Variants in ARHGEF10 observed in about 807,000 individuals in gnomAD.
The protein encoded by ARHGEF10 is Rho guanine nucleotide exchange factor (GEF) 10.
ARHGEF10 carries 140 observed loss-of-function variants against 147.4 expected under a neutral mutation model. The ratio of observed to expected loss-of-function variants is 0.95; its 90% CI spans 0.83 to 1.09. ARHGEF10 has a LOEUF of 1.09. Among genes scored for constraint, ARHGEF10 ranks in the 50% least tolerant of loss-of-function variants. The pLI is 0.00. For missense variants in ARHGEF10, 2,222 were observed against 1,752.7 expected (o/e 1.27, Z -4.78); for synonymous variants, 902 against 695.8 (o/e 1.30, Z -4.67).
At chr8:1,956,669 TTAAGCC>T (rs1815591158) in intron 28 of ARHGEF10, 74 bp from the exon 29 acceptor site, 1 of 1,538,062 alleles carries the variant, frequency 6.5e-7, no homozygotes, top group Non-Finnish European at 9.0e-7. Context: ...TGCGTTGGGG[TTAAGCC>T]CTGCACTTTT....
At chr8:1,864,075 T>C (rs905316305) in intron 4 of ARHGEF10, among the ~76,000 whole-genome samples, 1 of 151,430 alleles carries the variant, frequency 6.6e-6, no homozygotes, top group Admixed American at 6.6e-5. Flanking sequence ...CCCATGCACA[T>C]GTGGAGTGGG....
At chr8:1,945,897 C>CGCGTGCTGGGAGGAGCT (rs1248354807) in intron 27 of ARHGEF10, 4 of 704,096 alleles carry the variant, frequency 5.7e-6, no homozygotes, top group South Asian at 1.8e-5. Flanking sequence ...TGGGAGGAGC[C>CGCGTGCTGGGAGGAGCT]GCGTGCTGGG....
chr8:1,880,944 C>G (rs1371134464), intron 9 of ARHGEF10, among the ~76,000 whole-genome samples: 2 of 152,192 alleles, frequency 1.3e-5, no homozygotes, highest in Non-Finnish European at 1.5e-5. Flanking sequence ...GCCGCGTTAC[C>G]CCCTCACATG....
In ARHGEF10 at chr8:1,858,070, C is replaced by T; in HGVS notation, c.148C>T (p.Pro50Ser). The change falls in exon 3 of 29, where the codon CCT (proline) becomes TCT (serine). Residue 50 changes from proline (P) to serine (S), a missense_variant. By Grantham distance (74) the Pro-to-Ser change is moderately conservative. Coordinates refer to ENST00000349830, the MANE Select transcript of ARHGEF10 (RefSeq NM_014629.4). ...PEADRQAPSA[P>S]ETGGAGASEA... The stretch of plus-strand genomic sequence containing the variant: ...AGCGGACAGACAGGCCCCATCCGCC[C>T]CTGAGACAGGAGGTGCTGGAGCCAG... The T allele has an allele frequency of 6.2e-7, 1 of 1,613,644 alleles. No individual in the cohort carries two copies. Among genetic ancestry groups the T allele is most frequent in the South Asian group, 1.1e-5 (1 of 91,022 alleles).
intron 17 of ARHGEF10, among the ~76,000 whole-genome samples, chr8:1,907,775 A>G (rs1028762787): frequency 3.3e-5 from 5 of 152,126 alleles, no homozygotes; most frequent in Non-Finnish European, 5.9e-5. Context: ...GTGAGTCGCA[A>G]TTCCTTTCCC....
chr8:1,858,658 G>A (rs60054728), intron 3 of ARHGEF10: 45,239 of 155,854 alleles, frequency 0.29, 6,784 homozygotes, highest in South Asian at 0.43. Context: ...TTCATTCGCT[G>A]ACCAGAGGGA....
At chr8:1,834,779 G>A (rs1803480179) in intron 1 of ARHGEF10, among the ~76,000 whole-genome samples, 1 of 152,232 alleles carries the variant, frequency 6.6e-6, no homozygotes, top group Non-Finnish European at 1.5e-5. Context: ...TATGTCTTGA[G>A]TTGGAACCTT....
intron 1 of ARHGEF10, among the ~76,000 whole-genome samples, chr8:1,838,950 G>C (rs1256482002): frequency 6.6e-6 from 1 of 151,524 alleles, no homozygotes; most frequent in African/African-American, 2.4e-5. Context: ...GGGGCCATCT[G>C]GCATGGAAGC....
chr8:1,882,644 C>G lies in ARHGEF10; in HGVS notation c.970C>G (p.Leu324Val). 6.4e-7 allele frequency: 1 copy of G among 1,553,546 alleles called. No individual in the cohort carries two copies. Among genetic ancestry groups the G allele is most frequent in the Non-Finnish European group, 8.7e-7 (1 of 1,147,978 alleles). The change falls in exon 10 of 29, where the codon CTC becomes GTC. Residue 324 changes from leucine to valine, a missense_variant. Leu to Val is a conservative substitution (Grantham distance 32). Coordinates refer to ENST00000349830, the MANE Select transcript of ARHGEF10 (RefSeq NM_014629.4). ...RQKHELKMQKLVKAAKDGTKD... is the reference protein window; with the variant it reads ...RQKHELKMQKVVKAAKDGTKD... ...TCCCTCTCCGTCGCAGATGCAGAAGCTCGTGAAGGCCGCGAAGGACGGCAC... is the reference window on the plus strand; with the variant it reads ...TCCCTCTCCGTCGCAGATGCAGAAGGTCGTGAAGGCCGCGAAGGACGGCAC...
intron 25 of ARHGEF10, 46 bp downstream of exon 25, chr8:1,929,489 C>T (rs371233359): frequency 6.4e-7 from 1 of 1,562,154 alleles, no homozygotes; most frequent in African/African-American, 1.4e-5. Flanking sequence ...GGGGTTCACT[C>T]AGGGGACTGT....
At chr8:1,856,181 C>T (rs1453343592) in intron 2 of ARHGEF10, among the ~76,000 whole-genome samples, 1 of 152,216 alleles carries the variant, frequency 6.6e-6, no homozygotes, top group Non-Finnish European at 1.5e-5. Context: ...AGAAGGACAG[C>T]AACACACACT....
At chr8:1,879,335 T>G in intron 8 of ARHGEF10, among the ~76,000 whole-genome samples, 1 of 152,134 alleles carries the variant, frequency 6.6e-6, no homozygotes, top group African/African-American at 2.4e-5. Context: ...TCAGTATAGT[T>G]TAAATACAAG....
At chr8:1,894,934 T>G (rs1041384780) in intron 13 of ARHGEF10, among the ~76,000 whole-genome samples, 13 of 152,230 alleles carry the variant, frequency 8.5e-5, no homozygotes, top group East Asian at 7.7e-4. Context: ...ATTGCCGTTT[T>G]TAAGCCCTCA....
Position 1,929,324 on chromosome 8 carries a change from T to C in ARHGEF10, c.2960T>C (p.Val987Ala). Residue 987 changes from valine to alanine, a missense_variant, in exon 25 of 29, where the codon GTG (valine) becomes GCG (alanine). Coordinates refer to ENST00000349830, the MANE Select transcript of ARHGEF10 (RefSeq NM_014629.4). ...IYKSSQGSKK[V>A]RLQHFFTPEK... ...AAAAGCAGTCAAGGCTCCAAGAAAG[T>C]GAGACTTCAGCACTTTTTCACTCCT... The C allele has an allele frequency of 6.2e-7, 1 of 1,614,114 alleles. No homozygotes were observed. Among genetic ancestry groups the C allele is most frequent in the Non-Finnish European group, 8.5e-7 (1 of 1,180,034 alleles).
rs577308813 is a variant in ARHGEF10 at position 1,836,470 on chromosome 8, C to T, written c.-47-6883C>T. 2.2e-3 allele frequency among the ~76,000 whole-genome samples: 333 copies of T among 152,244 alleles called. 2 individuals are homozygous for T. The highest frequency in any genetic ancestry group is 7.0e-3 in the African/African-American group (291 of 41,542). ...CAGGTGAGTCACCTGTGGGGAGTTGCCAGCCACGTGGGCTGACGCCGGTGG... is the reference window on the plus strand; with the variant it reads ...CAGGTGAGTCACCTGTGGGGAGTTGTCAGCCACGTGGGCTGACGCCGGTGG... On this transcript the variant is annotated intron_variant, in intron 1 of 28. Transcript: ENST00000349830.
intron 27 of ARHGEF10, among the ~76,000 whole-genome samples, chr8:1,951,230 T>C (rs1246250303): frequency 6.6e-6 from 1 of 152,208 alleles, no homozygotes; most frequent in South Asian, 2.1e-4. Flanking sequence ...CTGCTCCCCG[T>C]GTTGTAGAGC....
At chr8:1,942,352 G>A (rs772439916) in intron 26 of ARHGEF10, among the ~76,000 whole-genome samples, 1 of 151,572 alleles carries the variant, frequency 6.6e-6, no homozygotes, top group Non-Finnish European at 1.5e-5. Context: ...AGGCACACGA[G>A]AAGATGGTCA....
intron 8 of ARHGEF10, among the ~76,000 whole-genome samples, chr8:1,879,430 G>A (rs1255833422): frequency 1.3e-5 from 2 of 152,052 alleles, no homozygotes; most frequent in Non-Finnish European, 2.9e-5. Context: ...AAATGTAAAC[G>A]AATGATTTCA....
At chr8:1,878,944 G>A (rs886712597) in intron 8 of ARHGEF10, among the ~76,000 whole-genome samples, 1 of 152,214 alleles carries the variant, frequency 6.6e-6, no homozygotes, top group Admixed American at 6.5e-5. Context: ...CAGGACAGTG[G>A]CCTGGACCGG....
Sources: gnomAD v4.1 joint callset for allele counts (sites outside exome capture counted in the v4.1 genomes callset) on GRCh38, gnomAD v4.1.1 for gene constraint, MANE v1.5 for transcripts, NCBI Gene and HGNC (gene_info 2026-07-23, HGNC 2026-07-21) for gene names.